The following PAM variants were observed in gnomAD, a reference collection of about 807,000 sequenced individuals.
PAM encodes peptidylglycine alpha-amidating monooxygenase, also known as peptidyl-glycine alpha-amidating monooxygenase.
In PAM, 72 loss-of-function variants were observed where a neutral mutation model predicts 122.1. The ratio of observed to expected loss-of-function variants is 0.59; its 90% CI spans 0.49 to 0.72. PAM has a LOEUF of 0.72. Ranked by LOEUF, PAM falls within the 30% of genes least tolerant of loss-of-function variation. The probability of loss-of-function intolerance (pLI) is 0.00; values close to 1 mark genes in which losing one functional copy is unlikely to be tolerated. For synonymous variants in PAM, 389 were observed against 404.4 expected (o/e 0.96, Z 0.46); for missense variants, 1,106 against 1,183.7 (o/e 0.93, Z 0.96).
At chr5:102,777,831 T>A (rs1439976516) in intron 1 of PAM, among the ~76,000 whole-genome samples, 2 of 152,148 alleles carry the variant, frequency 1.3e-5, no homozygotes, top group African/African-American at 4.8e-5. Context: ...ATTTAAGCTA[T>A]TGTTTTCTGT....
At chr5:102,764,585 G>A (rs959943784) in intron 1 of PAM, among the ~76,000 whole-genome samples, 2 of 152,298 alleles carry the variant, frequency 1.3e-5, no homozygotes, top group African/African-American at 4.8e-5. Flanking sequence ...AATACGGGGC[G>A]TGAGGGAAGA....
intron 5 of PAM, 138 bp downstream of exon 5, chr5:102,914,159 T>C: frequency 1.6e-6 from 1 of 609,176 alleles, no homozygotes. Context: ...TTCATTGTCA[T>C]CACGTGGTTA....
intron 1 of PAM, among the ~76,000 whole-genome samples, chr5:102,794,292 G>A (rs1259185242): frequency 6.6e-6 from 1 of 152,194 alleles, no homozygotes; most frequent in Non-Finnish European, 1.5e-5. Context: ...GATTTCAGTA[G>A]GTGGAAGGTT....
chr5:102,802,151 T>C (rs1764956290), intron 1 of PAM, among the ~76,000 whole-genome samples: 1 of 152,196 alleles, frequency 6.6e-6, no homozygotes, highest in Non-Finnish European at 1.5e-5. Flanking sequence ...CTAGCTTCTT[T>C]AGAAAAAGTA....
chr5:102,960,487 G>T (rs887121206), intron 13 of PAM, among the ~76,000 whole-genome samples: 1 of 152,084 alleles, frequency 6.6e-6, no homozygotes, highest in South Asian at 2.1e-4. Flanking sequence ...TCCATTTAAT[G>T]GGCTTCTTCA....
At chr5:102,793,788 C>T (rs781020559) in intron 1 of PAM, among the ~76,000 whole-genome samples, 1 of 152,016 alleles carries the variant, frequency 6.6e-6, no homozygotes, top group Non-Finnish European at 1.5e-5. Flanking sequence ...AGTTTATATA[C>T]ACAATTAATT....
chr5:102,944,989 G>T (rs534168461), intron 7 of PAM, among the ~76,000 whole-genome samples: 1 of 151,960 alleles, frequency 6.6e-6, no homozygotes, highest in East Asian at 1.9e-4. Context: ...TTTCATTAAA[G>T]AAATTTCACA....
rs1561584528 is a variant in PAM, at chr5:102,836,898, G to GAGAGAGAGAGAGAGAGAGAGAGAGAGA, written c.-373-28925_-373-28924insAGAGAGAGAGAGAGAGAGAGAGAGAGA. Among the ~76,000 whole-genome samples, 4 of 147,156 alleles carry GAGAGAGAGAGAGAGAGAGAGAGAGAGA rather than the reference G, an allele frequency of 2.7e-5. No homozygotes were observed. The South Asian group carries it at 6.6e-4, about 24-fold the overall frequency. ...AGAGAGAGAGAGAGAGAGAGAGAGA[G>GAGAGAGAGAGAGAGAGAGAGAGAGAGA]GTGCAAAATTGTGTGTATTCACAGG... On this transcript the variant is annotated intron_variant, in intron 1 of 25. Coordinates refer to ENST00000438793, the MANE Select transcript of PAM (RefSeq NM_001177306.2).
At chr5:103,021,116 C>A (rs1441770885) in intron 23 of PAM, among the ~76,000 whole-genome samples, 1 of 152,084 alleles carries the variant, frequency 6.6e-6, no homozygotes, top group African/African-American at 2.4e-5. Flanking sequence ...CTTATGCCAA[C>A]CATGTAATAA....
chr5:102,878,927 TTTTTTTG>T (rs919808265), intron 3 of PAM, among the ~76,000 whole-genome samples: 1 of 152,026 alleles, frequency 6.6e-6, no homozygotes, highest in African/African-American at 2.4e-5. Context: ...AAATTCTTTT[TTTTTTTG>T]TTTTTTGTTT....
At chr5:102,873,316 C>A (rs934549997) in intron 3 of PAM, 1 of 152,210 alleles carries the variant, frequency 6.6e-6, no homozygotes, top group Admixed American at 6.5e-5. Context: ...TGAGTTTAAA[C>A]CTCACTGCAG....
chr5:102,923,129 A>G (rs1412216441), intron 5 of PAM, among the ~76,000 whole-genome samples: 1 of 152,248 alleles, frequency 6.6e-6, no homozygotes, highest in Non-Finnish European at 1.5e-5. Flanking sequence ...GTATAACCTT[A>G]TCAAGACTTC....
At chr5:102,884,067 A>G (rs925433821) in intron 3 of PAM, among the ~76,000 whole-genome samples, 3 of 151,802 alleles carry the variant, frequency 2.0e-5, no homozygotes, top group African/African-American at 4.8e-5. Flanking sequence ...CCCAATATAC[A>G]TGTGTCTGTT....
chr5:102,876,821 G>C (rs900102880), intron 3 of PAM, among the ~76,000 whole-genome samples: 2 of 152,188 alleles, frequency 1.3e-5, no homozygotes, highest in Non-Finnish European at 2.9e-5. Flanking sequence ...TCTATTCTCA[G>C]GTATTGGCTA....
intron 16 of PAM, among the ~76,000 whole-genome samples, chr5:102,996,672 A>G (rs1174422911): frequency 1.3e-5 from 2 of 152,310 alleles, no homozygotes; most frequent in South Asian, 2.1e-4. Flanking sequence ...TGGTCAACCA[A>G]TCATCTGAGT....
At chr5:102,841,895 A>G (rs1778735654) in intron 1 of PAM, among the ~76,000 whole-genome samples, 1 of 152,188 alleles carries the variant, frequency 6.6e-6, no homozygotes, top group South Asian at 2.1e-4. Context: ...GATCAATGAA[A>G]ATGCATAAAC....
intron 12 of PAM, among the ~76,000 whole-genome samples, chr5:102,957,282 C>T (rs1045940373): frequency 2.6e-5 from 4 of 152,114 alleles, no homozygotes; most frequent in South Asian, 2.1e-4. Context: ...TTTCTACCTA[C>T]GTAAGAGCAA....
chr5:102,863,018 T>TTGCTTTGTATTACAAATAAAATAGTA (rs1561666361), intron 1 of PAM, among the ~76,000 whole-genome samples: 3 of 150,934 alleles, frequency 2.0e-5, no homozygotes, highest in African/African-American at 7.4e-5. Flanking sequence ...AAATGAAAAT[T>TTGCTTTGTATTACAAATAAAATAGTA]AGAGGGAATG....
At chr5:102,970,128 G>A (rs550075923) in intron 14 of PAM, among the ~76,000 whole-genome samples, 52 of 152,170 alleles carry the variant, frequency 3.4e-4, no homozygotes, top group Middle Eastern at 3.4e-3. Context: ...GTCATACAAC[G>A]GTGAAATAGG....
Sources: allele counts gnomAD v4.1 joint callset (sites outside exome capture counted in the v4.1 genomes callset), GRCh38; gene constraint gnomAD v4.1.1; transcripts MANE v1.5; gene names NCBI Gene and HGNC (gene_info 2026-07-23, HGNC 2026-07-21).